Variants in BIRC6 observed in about 807,000 individuals in gnomAD.
BIRC6 encodes the protein dual E2 ubiquitin-conjugating enzyme/E3 ubiquitin-protein ligase BIRC6.
BIRC6 carries 98 observed loss-of-function variants against 503.3 expected under a neutral mutation model. The ratio of observed to expected loss-of-function variants is 0.19; its 90% CI spans 0.17 to 0.23. The LOEUF (loss-of-function observed/expected upper bound fraction) is 0.23, where lower values mean the gene tolerates loss of function less well. Ranked by LOEUF, BIRC6 falls within the 10% of genes least tolerant of loss-of-function variation. BIRC6 has a pLI of 1.00. For synonymous variants in BIRC6, 2,240 were observed against 2,078.7 expected (o/e 1.08, Z -2.11); for missense variants, 5,360 against 5,806.0 (o/e 0.92, Z 2.50).
chr2:32,577,407 G>T (rs955029047), intron 66 of BIRC6, among the ~76,000 whole-genome samples: 2 of 152,078 alleles, frequency 1.3e-5, no homozygotes, highest in African/African-American at 2.4e-5. Context: ...TCTTTTAGAT[G>T]AAAAATTGCA....
chr2:32,527,276 G>A (rs1281715542), intron 59 of BIRC6: 1 of 152,178 alleles, frequency 6.6e-6, no homozygotes, highest in East Asian at 1.9e-4. Context: ...CTGCCCATAA[G>A]CTAGACTGGA....
At position 32,415,603 on chromosome 2, in the gene BIRC6, A is replaced by C; in HGVS notation, c.2312A>C (p.Lys771Thr). The stretch of plus-strand genomic sequence containing the variant: ...GTAGAGGCCTTGAATAATTTAAATA[A>C]ATTAAACTCTGCACTATGTAATAGA... ...NQVEALNNLN[K>T]LNSALCNRRK... is the part of the protein sequence containing the mutation. Residue 771 changes from lysine (K) to threonine (T), a missense_variant, in exon 10 of 74, where the codon AAA (lysine) becomes ACA (threonine). Around this residue, in one of 16 missense-constraint regions of BIRC6, gnomAD observed 700 missense variants for 739.3 expected, o/e 0.95. Transcript: ENST00000421745. 1.9e-6 allele frequency: 3 copies of C among 1,613,842 alleles called. No individual in the cohort carries two copies. The highest frequency in any genetic ancestry group is 8.5e-7 in the Non-Finnish European group (1 of 1,179,776).
At chr2:32,386,077 T>C (rs1019870997) in intron 3 of BIRC6, among the ~76,000 whole-genome samples, 1 of 152,202 alleles carries the variant, frequency 6.6e-6, no homozygotes, top group Admixed American at 6.5e-5. Context: ...CGTGCTGTCA[T>C]GATGTAGTGG....
rs1458606589 is a variant in BIRC6, at chr2:32,357,079, G to C, written c.-83G>C. On this transcript the variant is annotated 5_prime_UTR_variant, in exon 1 of 74. Transcript: ENST00000421745. The surrounding 1 kb of genome is among the most constrained non-coding windows in gnomAD (Gnocchi z 4.9). ...GCCTCCCTCCGAGTTTGGCCCCTCC[G>C]GCCGGGCGATCGACGTTCCGCGTGC... The C allele has an allele frequency of 1.6e-6, 2 of 1,246,888 alleles. No individual in the cohort carries two copies. Among genetic ancestry groups the C allele is most frequent in the Non-Finnish European group, 1.1e-6 (1 of 946,756 alleles). The allele number at this position is 1,246,888 out of a possible 1,614,324, so 77.2% of individuals were successfully genotyped here.
Position 32,482,566 on chromosome 2 carries a change from C to G in BIRC6, c.7680C>G (p.Ser2560Arg), listed in dbSNP as rs564249634. The G allele has an allele frequency of 9.9e-6, 16 of 1,613,732 alleles. No homozygotes were observed. Among genetic ancestry groups the G allele is most frequent in the African/African-American group, 4.0e-5 (3 of 74,906 alleles). Residue 2560 changes from serine to arginine, a missense_variant, in exon 39 of 74, where the codon AGC becomes AGG. Transcript: ENST00000421745. Reference protein sequence around the residue: ...NTEKNGSQTVSVSVSQALDAR... With the variant: ...NTEKNGSQTVRVSVSQALDAR... ...AGAAGAACGGATCACAGACAGTTAG[C>G]GTTTCAGTCTCTCAGGGTAAGTGTA...
chr2:32,358,058 T>C (rs1573597776), intron 1 of BIRC6, among the ~76,000 whole-genome samples: 1 of 23,420 alleles, frequency 4.3e-5, no homozygotes, highest in Admixed American at 5.7e-4. Context: ...GTGGGGTGGG[T>C]CGTGGTGGGG....
At chr2:32,451,381 A>G (rs2046714161) in intron 22 of BIRC6, among the ~76,000 whole-genome samples, 1 of 152,280 alleles carries the variant, frequency 6.6e-6, no homozygotes, top group African/African-American at 2.4e-5. Flanking sequence ...GGGGATCTAT[A>G]TGGTCATAAC....
At chr2:32,425,890 G>T (rs1356207908) in intron 10 of BIRC6, among the ~76,000 whole-genome samples, 1 of 152,236 alleles carries the variant, frequency 6.6e-6, no homozygotes, top group Non-Finnish European at 1.5e-5. Context: ...GCACCAGCCA[G>T]CTGCTTCCAG....
intron 15 of BIRC6, among the ~76,000 whole-genome samples, chr2:32,436,789 C>G (rs918570345): frequency 6.6e-6 from 1 of 152,084 alleles, no homozygotes; most frequent in Non-Finnish European, 1.5e-5. Flanking sequence ...GTCTGGAACT[C>G]CTGACCTCAA....
chr2:32,476,269 A>G lies in BIRC6; in HGVS notation c.6777A>G (p.Glu2259=). The G allele has an allele frequency of 6.4e-7, 1 of 1,558,444 alleles. No homozygotes were observed. The highest frequency in any genetic ancestry group is 1.2e-5 in the South Asian group (1 of 84,430). ...CATTGGTAGAACAGATGGAAAAAGA[A>G]AAAATACAAAGTAACAAAGGATCAT... is the stretch of plus-strand genomic sequence containing the variant. The part of the protein sequence containing the change: ...QKALVEQMEK[E]KIQSNKGSSY... The change falls in exon 34 of 74, where the codon GAA becomes GAG. Residue 2259 remains glutamate, a synonymous_variant. Transcript: ENST00000421745.
At chr2:32,588,327 C>G (rs183908721) in intron 66 of BIRC6, among the ~76,000 whole-genome samples, 62 of 152,170 alleles carry the variant, frequency 4.1e-4, no homozygotes, top group South Asian at 6.2e-4. Flanking sequence ...TGCACTCCAG[C>G]CTGGACAACA....
chr2:32,437,142 G>A (rs907656956), intron 15 of BIRC6, among the ~76,000 whole-genome samples: 73 of 151,924 alleles, frequency 4.8e-4, no homozygotes, highest in African/African-American at 1.6e-3. Context: ...TGCCTGCCTC[G>A]GTCCCCCAAA....
rs1445997217 is a variant in BIRC6 at position 32,485,717 on chromosome 2, G to A, written c.7771G>A (p.Ala2591Thr). ...LMLKMMSTLE[A>T]DSILQALTNT... ...GTTGAAAATGATGTCTACTCTGGAGGCAGATTCCATTTTACAGGCATTAAC... is the reference window on the plus strand; with the variant it reads ...GTTGAAAATGATGTCTACTCTGGAGACAGATTCCATTTTACAGGCATTAAC... Residue 2591 changes from alanine to threonine, a missense_variant, in exon 40 of 74, where the codon GCA becomes ACA. Ala to Thr is a moderately conservative substitution (Grantham distance 58). This residue lies in a region of BIRC6 where 2,299 missense variants were observed against 2,267.2 expected (regional missense o/e 1.01). Transcript: ENST00000421745. 2 of 1,613,442 alleles carry A rather than the reference G, an allele frequency of 1.2e-6. No individual in the cohort carries two copies.
chr2:32,369,970 ATATATATATATATATGTATG>A (rs2035643822), intron 1 of BIRC6, among the ~76,000 whole-genome samples: 8 of 64,948 alleles, frequency 1.2e-4, no homozygotes, highest in Non-Finnish European at 2.5e-4. Flanking sequence ...ATATATATAT[ATATATATATATATATGTATG>A]TATGTATGTG....
chr2:32,372,267 A>C (rs2036094374), intron 1 of BIRC6, among the ~76,000 whole-genome samples: 1 of 152,172 alleles, frequency 6.6e-6, no homozygotes, highest in Non-Finnish European at 1.5e-5. Flanking sequence ...ACACCTGAAA[A>C]AATTCCCTGT....
intron 66 of BIRC6, among the ~76,000 whole-genome samples, chr2:32,585,613 C>G (rs2060974165): frequency 6.6e-6 from 1 of 152,182 alleles, no homozygotes; most frequent in African/African-American, 2.4e-5. Flanking sequence ...CTCCTGACCT[C>G]AGGTGATCCA....
intron 3 of BIRC6, among the ~76,000 whole-genome samples, chr2:32,382,765 C>T (rs752798617): frequency 2.6e-5 from 4 of 152,106 alleles, no homozygotes; most frequent in Non-Finnish European, 5.9e-5. Context: ...GTGCTGTTGC[C>T]CAGGCTGGAG....
chr2:32,479,677 A>T, intron 37 of BIRC6, 60 bp downstream of exon 37: 2 of 1,373,138 alleles, frequency 1.5e-6, no homozygotes, highest in Non-Finnish European at 2.0e-6. Flanking sequence ...TTTCAAAATA[A>T]AGAATGTTAG....
At chr2:32,490,993 G>A (rs758561337) in intron 43 of BIRC6, among the ~76,000 whole-genome samples, 5 of 152,116 alleles carry the variant, frequency 3.3e-5, no homozygotes, top group African/African-American at 9.7e-5. Flanking sequence ...TTACCTGTAC[G>A]TTAGTTCACA....
Sources: allele counts gnomAD v4.1 joint callset (sites outside exome capture counted in the v4.1 genomes callset), GRCh38; gene constraint gnomAD v4.1.1; regional missense constraint gnomAD v4.1.1; non-coding constraint Gnocchi (gnomAD v3.1); transcripts MANE v1.5; gene names NCBI Gene and HGNC (gene_info 2026-07-23, HGNC 2026-07-21).